The following ALDH7A1 variants were observed in gnomAD, a reference collection of about 807,000 sequenced individuals.
ALDH7A1 encodes alpha-aminoadipic semialdehyde dehydrogenase.
In ALDH7A1, 63 loss-of-function variants were observed where a neutral mutation model predicts 79.9. The observed-to-expected ratio is 0.79, with a 90% CI of 0.64 to 0.97. The LOEUF is 0.97. Among genes scored for constraint, ALDH7A1 ranks in the 50% least tolerant of loss-of-function variants. ALDH7A1 has a pLI of 0.00. For synonymous variants in ALDH7A1, 240 were observed against 231.2 expected (o/e 1.04, Z -0.34); for missense variants, 627 against 665.2 (o/e 0.94, Z 0.63).
At chr5:126,565,533 A>C (rs1750552470) in intron 9 of ALDH7A1, among the ~76,000 whole-genome samples, 1 of 152,134 alleles carries the variant, frequency 6.6e-6, no homozygotes, top group Non-Finnish European at 1.5e-5. Flanking sequence ...AATGACTTAC[A>C]AACATTTTCT....
At chr5:126,571,785 T>C (rs1384693557) in intron 7 of ALDH7A1, among the ~76,000 whole-genome samples, 2 of 152,084 alleles carry the variant, frequency 1.3e-5, no homozygotes, top group Non-Finnish European at 2.9e-5. Flanking sequence ...AAAGCAGAGT[T>C]AGAGAAGTTG....
chr5:126,554,822 T>C, intron 12 of ALDH7A1: 1 of 302,138 alleles, frequency 3.3e-6, no homozygotes. Flanking sequence ...TCTCAGTAGT[T>C]GGTGTATAAT....
At chr5:126,549,332 G>C (rs150745772) in intron 16 of ALDH7A1, among the ~76,000 whole-genome samples, 13 of 152,034 alleles carry the variant, frequency 8.6e-5, no homozygotes, top group Middle Eastern at 3.4e-3. Flanking sequence ...ATGCATGTTT[G>C]TTTTGCTTCT....
rs905495939 is a variant in ALDH7A1, at chr5:126,550,014, G to A, written c.1416-12C>T. The A allele has an allele frequency of 1.2e-5, 20 of 1,612,974 alleles. No individual in the cohort carries two copies. The highest frequency in any genetic ancestry group is 1.7e-5 in the Non-Finnish European group (20 of 1,179,034). ...CTGATCCTTTAGGTCTGTGTAAAAA[G>A]GGAGGCATGGTGAGAGCAATGAACA... On this transcript the variant is annotated splice_polypyrimidine_tract_variant and intron_variant, in intron 15 of 17. Coordinates refer to ENST00000409134, the MANE Select transcript of ALDH7A1 (RefSeq NM_001182.5).
At chr5:126,578,042 T>C (rs1476243227) in intron 5 of ALDH7A1, among the ~76,000 whole-genome samples, 1 of 148,932 alleles carries the variant, frequency 6.7e-6, no homozygotes, top group South Asian at 2.3e-4. Context: ...CCCAGCACTT[T>C]GGGAGGCCAA....
At chr5:126,584,841 G>C (rs1390763407) in intron 3 of ALDH7A1, among the ~76,000 whole-genome samples, 2 of 151,886 alleles carry the variant, frequency 1.3e-5, no homozygotes, top group Non-Finnish European at 2.9e-5. Flanking sequence ...ATAATTACTG[G>C]GATGAAGAAG....
chr5:126,548,194 G>A (rs1432900483), intron 16 of ALDH7A1, among the ~76,000 whole-genome samples: 2 of 152,144 alleles, frequency 1.3e-5, no homozygotes, highest in African/African-American at 4.8e-5. Flanking sequence ...CTGTCACCCA[G>A]GCTGAAGTGC....
Position 126,543,493 on chromosome 5 carries a change from G to A in ALDH7A1, c.*1472C>T, listed in dbSNP as rs959812946. 6.6e-6 allele frequency: 1 copy of A among 152,142 alleles called. No homozygotes were observed. The highest frequency in any genetic ancestry group is 2.1e-4 in the South Asian group (1 of 4,830). The allele number at this position is 152,142 out of a possible 1,614,324, so 9.4% of individuals were successfully genotyped here. ...CATGTCTAGTTAAATACTGCTCGCAGCTGGCCATGGGACATATTATGAATA... is the reference window on the plus strand; with the variant it reads ...CATGTCTAGTTAAATACTGCTCGCAACTGGCCATGGGACATATTATGAATA... On this transcript the variant is annotated 3_prime_UTR_variant, in exon 18 of 18. Coordinates refer to ENST00000409134, the MANE Select transcript of ALDH7A1 (RefSeq NM_001182.5).
chr5:126,558,137 A>C (rs1229467493), intron 11 of ALDH7A1, among the ~76,000 whole-genome samples: 3 of 137,352 alleles, frequency 2.2e-5, no homozygotes. Context: ...ACTACACTCC[A>C]ACCTGGGCAA....
chr5:126,570,784 A>T lies in ALDH7A1; in HGVS notation c.771T>A (p.Ile257=), dbSNP rs1057520469. The change falls in exon 8 of 18, where the codon ATT becomes ATA. Residue 257 remains isoleucine (I), a splice_region_variant and synonymous_variant. Coordinates refer to ENST00000409134, the MANE Select transcript of ALDH7A1 (RefSeq NM_001182.5). The part of the protein sequence containing the change: ...ICSLTCGGAD[I]GTAMAKDERV... ...ATGCTCTCAGCCTAGTAACCTACCC[A>T]ATATCTGCTCCACCACAAGTCAAGG... The T allele has an allele frequency of 1.2e-6, 2 of 1,613,962 alleles. No homozygotes were observed. The highest frequency in any genetic ancestry group is 1.7e-6 in the Non-Finnish European group (2 of 1,179,864).
chr5:126,555,529 T>C (rs1376941950), intron 12 of ALDH7A1: 2 of 139,668 alleles, frequency 1.4e-5, no homozygotes, highest in Admixed American at 1.4e-4. Context: ...CTAAAAGCAA[T>C]GAGAAGTTAC....
rs766232349 is a variant in ALDH7A1 at position 126,559,339 on chromosome 5, G to C, written c.914-5C>G. Reference sequence around the variant, plus strand: ...TGAGGTCTGCATCTTCAAAGGCTTAGGAAAGCACAAACACTTCCATCAGCG... The same window carrying C: ...TGAGGTCTGCATCTTCAAAGGCTTACGAAAGCACAAACACTTCCATCAGCG... On this transcript the variant is annotated splice_region_variant and splice_polypyrimidine_tract_variant and intron_variant, in intron 10 of 17. Transcript: ENST00000409134. 2.5e-6 allele frequency: 4 copies of C among 1,612,310 alleles called. No individual in the cohort carries two copies. The highest frequency in any genetic ancestry group is 3.4e-6 in the Non-Finnish European group (4 of 1,178,806).
intron 9 of ALDH7A1, among the ~76,000 whole-genome samples, chr5:126,565,394 CAAAAAAAAAAAAAA>C (rs1162552475): frequency 1.6e-5 from 1 of 63,352 alleles, no homozygotes; most frequent in African/African-American, 6.7e-5. Flanking sequence ...GATTCCATCT[CAAAAAAAAAAAAAA>C]AAAAAAAAAA....
rs141818597 is a variant in ALDH7A1 at position 126,582,162 on chromosome 5, A to G, written c.517+689T>C. 1.0e-3 allele frequency: 401 copies of G among 398,692 alleles called. 5 individuals carry two copies. Among genetic ancestry groups the G allele is most frequent in the Admixed American group, 8.5e-3 (193 of 22,724 alleles). The allele number at this position is 398,692 out of a possible 1,614,324, so 24.7% of individuals were successfully genotyped here. ...ACACAGCAAGATCCTACAAAATATAAAAAAGACACACAAGAAATTGAAAGC... is the reference window on the plus strand; with the variant it reads ...ACACAGCAAGATCCTACAAAATATAGAAAAGACACACAAGAAATTGAAAGC... On this transcript the variant is annotated intron_variant, in intron 5 of 17. Transcript: ENST00000409134.
chr5:126,555,178 C>T (rs1219952826), intron 12 of ALDH7A1: 2 of 153,608 alleles, frequency 1.3e-5, no homozygotes, highest in Non-Finnish European at 2.9e-5. Context: ...ATCAAGAGGA[C>T]TCTCGGTTTT....
chr5:126,591,219 A>T (rs1473463685), intron 3 of ALDH7A1, among the ~76,000 whole-genome samples: 1 of 152,200 alleles, frequency 6.6e-6, no homozygotes, highest in Non-Finnish European at 1.5e-5. Flanking sequence ...TTCTCTATCC[A>T]GGTAGGGTGA....
chr5:126,549,241 C>A (rs919217171), intron 16 of ALDH7A1, among the ~76,000 whole-genome samples: 2 of 151,996 alleles, frequency 1.3e-5, no homozygotes, highest in African/African-American at 4.8e-5. Context: ...CAGCAAAGTC[C>A]GTGCATCAAA....
At chr5:126,555,828 G>A (rs975009684) in intron 12 of ALDH7A1, 103 bp downstream of exon 12, 9 of 927,504 alleles carry the variant, frequency 9.7e-6, no homozygotes, top group South Asian at 1.4e-5. Flanking sequence ...GTGCCTTCAC[G>A]CCTCTCAGGA....
rs35284915 is a variant in ALDH7A1, at chr5:126,576,262, C to CAAAAA, written c.651-803_651-799dup. On this transcript the variant is annotated intron_variant, in intron 6 of 17. Coordinates refer to ENST00000409134, the MANE Select transcript of ALDH7A1 (RefSeq NM_001182.5). ...TGGGCGACAGAGCAAGACTCTGTCA[C>CAAAAA]AAAAAAAAAAAAAAAAAAAGAATTG... is the stretch of plus-strand genomic sequence containing the variant. Among the ~76,000 whole-genome samples, 7 of 89,204 alleles carry CAAAAA rather than the reference C, an allele frequency of 7.8e-5. No individual in the cohort carries two copies. In the South Asian group the frequency reaches 1.0e-3, roughly 13 times the overall value. The allele number at this position is 89,204 out of a possible 152,430, so 58.5% of individuals were successfully genotyped here.
Sources: allele counts gnomAD v4.1 joint callset (sites outside exome capture counted in the v4.1 genomes callset), GRCh38; gene constraint gnomAD v4.1.1; transcripts MANE v1.5; gene names NCBI Gene and HGNC (gene_info 2026-07-23, HGNC 2026-07-21).